Variants in NSUN6 observed in about 807,000 individuals in gnomAD.
NSUN6 encodes the protein tRNA (cytosine(72)-C(5))-methyltransferase NSUN6.
NSUN6 carries 64 observed loss-of-function variants against 58.0 expected under a neutral mutation model. The ratio of observed to expected loss-of-function variants is 1.10; its 90% CI spans 0.90 to 1.36. The LOEUF (loss-of-function observed/expected upper bound fraction) is 1.36, where lower values mean the gene tolerates loss of function less well. Among genes scored for constraint, NSUN6 ranks in the 40% most tolerant of loss-of-function variants. The pLI is 0.00. For synonymous variants in NSUN6, 231 were observed against 193.9 expected, an observed-to-expected ratio of 1.19 and a Z score of -1.59; for missense variants, 701 against 550.1, an observed-to-expected ratio of 1.27 and a Z score of -2.74.
chr10:18,567,099 C>T (rs1460349811), intron 8 of NSUN6, among the ~76,000 whole-genome samples: 9 of 149,744 alleles, frequency 6.0e-5, no homozygotes, highest in Non-Finnish European at 1.3e-4. Flanking sequence ...TCCATACCAT[C>T]CTCCATTTCA....
intron 8 of NSUN6, among the ~76,000 whole-genome samples, chr10:18,561,527 C>T: frequency 9.5e-6 from 1 of 104,772 alleles, no homozygotes; most frequent in Non-Finnish European, 1.9e-5. Context: ...GAATGGAATA[C>T]AGTGATAAAT....
rs117797186 is a variant in NSUN6 at position 18,570,230 on chromosome 10, C to G, written c.922+15719G>C. Among the ~76,000 whole-genome samples, 311 of 151,142 alleles carry G rather than the reference C, an allele frequency of 2.1e-3. 13 individuals carry two copies. The East Asian group carries it at 0.049, about 24-fold the overall frequency. ...CATGTCCATCCCATTCCATTGCATT[C>G]TATTCTCCATTCCATTCCATTCAAT... On this transcript the variant is annotated intron_variant, in intron 8 of 10. Transcript: ENST00000377304.
chr10:18,559,424 GGAATGGAGAATGGAACA>G (rs1564716349), intron 8 of NSUN6, among the ~76,000 whole-genome samples: 6 of 148,764 alleles, frequency 4.0e-5, no homozygotes, highest in African/African-American at 7.3e-5. Context: ...GGAATGGAAT[GGAATGGAGAATGGAACA>G]GAATGGAGAA....
intron 4 of NSUN6, among the ~76,000 whole-genome samples, chr10:18,615,946 A>T (rs2058393650): frequency 6.6e-6 from 1 of 152,134 alleles, no homozygotes; most frequent in Non-Finnish European, 1.5e-5. Context: ...TGATCCACTA[A>T]AACAACCATC....
At chr10:18,578,260 T>C (rs1589934507) in intron 8 of NSUN6, among the ~76,000 whole-genome samples, 1 of 133,556 alleles carries the variant, frequency 7.5e-6, no homozygotes, top group African/African-American at 2.9e-5. Context: ...TGAGATGGAG[T>C]TTCACTTGTG....
At chr10:18,618,244 T>G (rs577143168) in intron 3 of NSUN6, among the ~76,000 whole-genome samples, 1 of 152,272 alleles carries the variant, frequency 6.6e-6, no homozygotes, top group African/African-American at 2.4e-5. Flanking sequence ...CTCTGAAGTA[T>G]GTAGACATGA....
chr10:18,603,762 C>A (rs2057942242), intron 6 of NSUN6, among the ~76,000 whole-genome samples: 1 of 152,162 alleles, frequency 6.6e-6, no homozygotes, highest in Non-Finnish European at 1.5e-5. Context: ...CAGGCGTGAG[C>A]CACCGTGCCT....
At chr10:18,579,829 T>C (rs982190452) in intron 8 of NSUN6, among the ~76,000 whole-genome samples, 2 of 152,168 alleles carry the variant, frequency 1.3e-5, no homozygotes, top group Non-Finnish European at 1.5e-5. Flanking sequence ...CCTCAATAAA[T>C]CTGCATTTTT....
intron 6 of NSUN6, among the ~76,000 whole-genome samples, chr10:18,603,397 C>G (rs564394861): frequency 1.3e-5 from 2 of 152,196 alleles, no homozygotes; most frequent in Admixed American, 6.5e-5. Context: ...TCTCTCTGCT[C>G]AATGGAATGT....
At position 18,614,614 on chromosome 10, in the gene NSUN6, C is replaced by A. The variant is rs200916172; in HGVS notation, c.422-1G>T. 1.2e-5 allele frequency: 17 copies of A among 1,369,150 alleles called. No homozygotes were observed. The East Asian group carries it at 2.3e-4, about 19-fold the overall frequency. 84.8% of individuals were successfully genotyped at this position (1,369,150 alleles called of 1,614,324 possible). A position where few individuals can be genotyped will look rare whatever the true frequency, so the allele number is the denominator to read the frequency against. On this transcript the variant is annotated splice_acceptor_variant, in intron 4 of 10. Transcript: ENST00000377304. LOFTEE classifies it high-confidence loss of function. ...GAAATAACATCTCCAGCTTTCATAA[C>A]TAGAGAAAGAAGAAAATCAGATTAC...
chr10:18,625,817 T>G (rs144341137), intron 3 of NSUN6, among the ~76,000 whole-genome samples: 18 of 141,496 alleles, frequency 1.3e-4, no homozygotes, highest in Admixed American at 9.3e-4. Flanking sequence ...GTTGAATAAC[T>G]AAGAATTCCA....
intron 3 of NSUN6, among the ~76,000 whole-genome samples, chr10:18,628,885 AT>A (rs1191964639): frequency 1.3e-5 from 2 of 152,162 alleles, no homozygotes; most frequent in African/African-American, 4.8e-5. Context: ...CAACATTCAG[AT>A]TCAGGAAATA....
At chr10:18,609,800 G>T (rs1564796454) in intron 6 of NSUN6, 45 bp downstream of exon 6, 2 of 1,009,562 alleles carry the variant, frequency 2.0e-6, no homozygotes, top group Non-Finnish European at 3.1e-6. Flanking sequence ...ATTCACTGAT[G>T]TATGTTTCAA....
In NSUN6 at chr10:18,612,287, G is replaced by T. The variant is rs116203627; in HGVS notation, c.575+2173C>A. Among the ~76,000 whole-genome samples, 434 of 152,224 alleles carry T rather than the reference G, an allele frequency of 2.9e-3. 2 individuals are homozygous for T. The highest frequency in any genetic ancestry group is 9.8e-3 in the African/African-American group (406 of 41,538). ...AAAATTAAAATATCAGCTGATCATG[G>T]TGTCATGTGCCTATAGTACTAGCTA... is the stretch of plus-strand genomic sequence containing the variant. On this transcript the variant is annotated intron_variant, in intron 5 of 10. Transcript: ENST00000377304.
At chr10:18,556,069 G>GGAATGGAATCGAGAATT (rs2054993851) in intron 8 of NSUN6, among the ~76,000 whole-genome samples, 1 of 149,668 alleles carries the variant, frequency 6.7e-6, no homozygotes, top group South Asian at 2.1e-4. Context: ...AATGGAGAAT[G>GGAATGGAATCGAGAATT]GAATGGAATC....
At chr10:18,620,088 A>G (rs983026740) in intron 3 of NSUN6, among the ~76,000 whole-genome samples, 7 of 89,236 alleles carry the variant, frequency 7.8e-5, no homozygotes, top group African/African-American at 3.1e-4. Context: ...ACTAATAAAA[A>G]AAATTTTTTT....
intron 8 of NSUN6, among the ~76,000 whole-genome samples, chr10:18,582,456 C>G (rs548560024): frequency 4.7e-4 from 72 of 152,188 alleles, no homozygotes; most frequent in African/African-American, 1.7e-3. Flanking sequence ...GCTGGGAGCT[C>G]CATGAGAAGA....
intron 8 of NSUN6, among the ~76,000 whole-genome samples, chr10:18,554,031 G>C (rs981659715): frequency 6.6e-6 from 1 of 151,306 alleles, no homozygotes; most frequent in Non-Finnish European, 1.5e-5. Flanking sequence ...ATGGCATAGA[G>C]AATGAACTCA....
intron 8 of NSUN6, among the ~76,000 whole-genome samples, chr10:18,558,399 T>A (rs1022079497): frequency 1.6e-4 from 23 of 147,636 alleles, no homozygotes; most frequent in African/African-American, 5.8e-4. Context: ...CAGTGGTGAA[T>A]AGAATGAAAT....
Sources: gnomAD v4.1 joint callset for allele counts (sites outside exome capture counted in the v4.1 genomes callset) on GRCh38, gnomAD v4.1.1 for gene constraint, MANE v1.5 for transcripts, NCBI Gene and HGNC (gene_info 2026-07-23, HGNC 2026-07-21) for gene names.